Variants in FBXO42 observed in about 807,000 individuals in gnomAD.
FBXO42 encodes F-box only protein 42.
FBXO42 carries 12 observed loss-of-function variants against 71.7 expected under a neutral mutation model. That is an observed-to-expected ratio of 0.17 (90% CI 0.11 to 0.27). FBXO42 has a LOEUF of 0.27. Ranked by LOEUF, FBXO42 falls within the 10% of genes least tolerant of loss-of-function variation. The pLI is 1.00. For synonymous variants in FBXO42, 325 were observed against 327.5 expected, an observed-to-expected ratio of 0.99 and a Z score of 0.08; for missense variants, 707 against 911.9, an observed-to-expected ratio of 0.78 and a Z score of 2.89.
intron 4 of FBXO42, among the ~76,000 whole-genome samples, chr1:16,265,138 G>T (rs1323041617): frequency 6.6e-6 from 1 of 152,174 alleles, no homozygotes; most frequent in East Asian, 1.9e-4. Flanking sequence ...TTGTTGCCCA[G>T]GCTGGAGTGA....
chr1:16,260,868 T>G (rs886520821), intron 4 of FBXO42, among the ~76,000 whole-genome samples: 6 of 151,926 alleles, frequency 3.9e-5, no homozygotes, highest in African/African-American at 1.5e-4. Context: ...TCCAGCTAAT[T>G]TTTTTCTTTT....
chr1:16,277,366 AC>A (rs1225523223), intron 4 of FBXO42, among the ~76,000 whole-genome samples: 1 of 152,210 alleles, frequency 6.6e-6, no homozygotes, highest in Admixed American at 6.6e-5. Flanking sequence ...GCACATTAAT[AC>A]ATCATTCTTT....
chr1:16,262,178 ATG>A (rs1323847494), intron 4 of FBXO42, among the ~76,000 whole-genome samples: 4 of 152,078 alleles, frequency 2.6e-5, no homozygotes, highest in Non-Finnish European at 5.9e-5. Flanking sequence ...TTTCATATAT[ATG>A]TGTGTGTGTA....
intron 4 of FBXO42, among the ~76,000 whole-genome samples, chr1:16,263,365 G>A (rs1276352656): frequency 2.0e-5 from 3 of 151,760 alleles, no homozygotes; most frequent in East Asian, 2.0e-4. Context: ...GGAGAATGGC[G>A]TGAACCCGCC....
chr1:16,330,556 C>G (rs1023603323), intron 1 of FBXO42, among the ~76,000 whole-genome samples: 1 of 152,072 alleles, frequency 6.6e-6, no homozygotes, highest in Non-Finnish European at 1.5e-5. Flanking sequence ...TACCTGTAAT[C>G]CCAGCACTTT....
intron 1 of FBXO42, among the ~76,000 whole-genome samples, chr1:16,345,030 C>T (rs1347740677): frequency 6.6e-6 from 1 of 151,112 alleles, no homozygotes; most frequent in Non-Finnish European, 1.5e-5. Flanking sequence ...ACCTGGGAGG[C>T]GGAGGTTATA....
chr1:16,352,229 G>A, intron 1 of FBXO42, 26 bp downstream of exon 1: 1 of 394,188 alleles, frequency 2.5e-6, no homozygotes, highest in Non-Finnish European at 4.5e-6. Context: ...TCCCCTCTGC[G>A]GCCCGGGGAG....
rs149494019 is a variant in FBXO42, at chr1:16,296,447, C to T, written c.368-1530G>A. Reference sequence around the variant, plus strand: ...CAGGCGGATCATGAGGTCAGGAGTTCGAGACCAGCCTGGCCAACATGGCAA... The same window carrying T: ...CAGGCGGATCATGAGGTCAGGAGTTTGAGACCAGCCTGGCCAACATGGCAA... On this transcript the variant is annotated intron_variant, in intron 3 of 9. Transcript: ENST00000375592. 8.0e-3 allele frequency among the ~76,000 whole-genome samples: 1,202 copies of T among 150,758 alleles called. 20 individuals carry two copies. Among genetic ancestry groups the T allele is most frequent in the African/African-American group, 0.028 (1,119 of 40,492 alleles).
chr1:16,314,883 GAAA>G (rs1017107142), intron 2 of FBXO42, among the ~76,000 whole-genome samples: 1 of 123,920 alleles, frequency 8.1e-6, no homozygotes. Context: ...GACTCCGTCT[GAAA>G]AAAAAAAAAA....
At chr1:16,334,200 A>G (rs1049071663) in intron 1 of FBXO42, among the ~76,000 whole-genome samples, 12 of 152,080 alleles carry the variant, frequency 7.9e-5, no homozygotes, top group Admixed American at 3.3e-4. Flanking sequence ...TTGGGAGGCC[A>G]AGGCGGGCAG....
intron 6 of FBXO42, among the ~76,000 whole-genome samples, chr1:16,254,432 G>A (rs2081619667): frequency 1.3e-5 from 2 of 152,196 alleles, no homozygotes; most frequent in African/African-American, 4.8e-5. Flanking sequence ...AATGAAAGCT[G>A]CAGTTTTATC....
chr1:16,270,443 T>C (rs2081827256), intron 4 of FBXO42, among the ~76,000 whole-genome samples: 1 of 152,002 alleles, frequency 6.6e-6, no homozygotes, highest in African/African-American at 2.4e-5. Flanking sequence ...TACTTAGGAT[T>C]TGTCCAGAAA....
chr1:16,287,808 G>A lies in FBXO42; in HGVS notation c.502+6975C>T, dbSNP rs184355019. Among the ~76,000 whole-genome samples, 78 of 152,174 alleles carry A rather than the reference G, an allele frequency of 5.1e-4. 1 individual carries two copies. The East Asian group carries it at 0.013, about 26-fold the overall frequency. On this transcript the variant is annotated intron_variant, in intron 4 of 9. Transcript: ENST00000375592. ...TTTTCAGTGTCAAACTCTCGGCCAGGCACAGTGGCTCATGCCTGTAATCCC... is the reference window on the plus strand; with the variant it reads ...TTTTCAGTGTCAAACTCTCGGCCAGACACAGTGGCTCATGCCTGTAATCCC...
intron 1 of FBXO42, among the ~76,000 whole-genome samples, chr1:16,351,382 A>G (rs1363652602): frequency 2.6e-5 from 4 of 152,228 alleles, no homozygotes; most frequent in Non-Finnish European, 4.4e-5. Context: ...GCCAGCAAGT[A>G]AAACTGGTAA....
chr1:16,266,014 T>C (rs937164915), intron 4 of FBXO42, among the ~76,000 whole-genome samples: 1 of 152,200 alleles, frequency 6.6e-6, no homozygotes, highest in African/African-American at 2.4e-5. Flanking sequence ...CTTCAGACTT[T>C]TGGGGAGAAA....
At chr1:16,348,038 A>G (rs1230593163) in intron 1 of FBXO42, among the ~76,000 whole-genome samples, 2 of 152,074 alleles carry the variant, frequency 1.3e-5, no homozygotes, top group African/African-American at 2.4e-5. Context: ...ACTTGCCTAT[A>G]AGTCATAAGC....
chr1:16,350,756 A>AGAAAAG (rs1557612351), intron 1 of FBXO42, among the ~76,000 whole-genome samples: 1 of 128,478 alleles, frequency 7.8e-6, no homozygotes, highest in Non-Finnish European at 1.7e-5. Context: ...AAAAAAAAAA[A>AGAAAAG]AAAAGAAAGA....
chr1:16,262,435 G>T (rs183272084), intron 4 of FBXO42, among the ~76,000 whole-genome samples: 135 of 152,252 alleles, frequency 8.9e-4, no homozygotes, highest in African/African-American at 3.2e-3. Flanking sequence ...CATGGGGTGT[G>T]GTGGCTCAAG....
rs758923872 is a variant in FBXO42 at position 16,352,436 on chromosome 1, C to T, written c.-199G>A. On this transcript the variant is annotated 5_prime_UTR_variant, in exon 1 of 10. Coordinates refer to ENST00000375592, the MANE Select transcript of FBXO42 (RefSeq NM_018994.3). ...CCATCTTCCTCCACTCAAACGCCGC[C>T]GCCGCCGCAGCTGCTGCTGCTCAGG... The T allele has an allele frequency of 2.3e-5, 9 of 398,736 alleles. No individual in the cohort carries two copies. Among genetic ancestry groups the T allele is most frequent in the Non-Finnish European group, 4.0e-5 (9 of 226,538 alleles). 24.7% of individuals were successfully genotyped at this position (398,736 alleles called of 1,614,324 possible).
Sources: allele counts gnomAD v4.1 joint callset (sites outside exome capture counted in the v4.1 genomes callset), GRCh38; gene constraint gnomAD v4.1.1; transcripts MANE v1.5; gene names NCBI Gene and HGNC (gene_info 2026-07-23, HGNC 2026-07-21).